EPS15: variants seen among roughly 807,000 people sequenced by gnomAD.
EPS15 encodes epidermal growth factor receptor substrate 15.
A neutral mutation model predicts 113.8 loss-of-function variants in EPS15; 72 were observed. The observed-to-expected ratio is 0.63, with a 90% CI of 0.52 to 0.77. EPS15 has a LOEUF of 0.77. Ranked by LOEUF, EPS15 falls within the 30% of genes least tolerant of loss-of-function variation. EPS15 has a pLI of 0.00. For missense variants in EPS15, 1,048 were observed against 1,045.8 expected (o/e 1.00, Z -0.03); for synonymous variants, 344 against 363.4 (o/e 0.95, Z 0.61).
At chr1:51,477,917 T>G (rs540083617) in intron 2 of EPS15, among the ~76,000 whole-genome samples, 11 of 152,092 alleles carry the variant, frequency 7.2e-5, no homozygotes, top group Non-Finnish European at 1.3e-4. Context: ...GTGCTGAAAA[T>G]AATGTATATT....
intron 2 of EPS15, among the ~76,000 whole-genome samples, chr1:51,475,976 A>C (rs1655649602): frequency 6.6e-6 from 1 of 152,184 alleles, no homozygotes; most frequent in Non-Finnish European, 1.5e-5. Context: ...GGTTTGTCAA[A>C]GATCAGATGA....
chr1:51,517,934 TA>T (rs1479591972), intron 1 of EPS15, among the ~76,000 whole-genome samples: 1 of 152,214 alleles, frequency 6.6e-6, no homozygotes, highest in African/African-American at 2.4e-5. Context: ...CTCTTGATTT[TA>T]AACACAGAAA....
intron 13 of EPS15, among the ~76,000 whole-genome samples, chr1:51,415,268 T>C (rs1051591214): frequency 2.0e-5 from 3 of 152,174 alleles, no homozygotes; most frequent in East Asian, 1.9e-4. Flanking sequence ...CTTTCTGCCC[T>C]TTCTCTCCCA....
chr1:51,362,518 T>C (rs1018356967), intron 23 of EPS15, among the ~76,000 whole-genome samples: 27 of 152,368 alleles, frequency 1.8e-4, no homozygotes, highest in African/African-American at 6.0e-4. Flanking sequence ...ATCATGCAAG[T>C]TGTAAAAACT....
chr1:51,484,851 G>GCC (rs1644091521), intron 1 of EPS15, among the ~76,000 whole-genome samples: 1 of 152,248 alleles, frequency 6.6e-6, no homozygotes, highest in Non-Finnish European at 1.5e-5. Flanking sequence ...AGCTGGCTAT[G>GCC]TCAGTGGGAA....
intron 13 of EPS15, among the ~76,000 whole-genome samples, chr1:51,417,138 T>C (rs893116060): frequency 6.6e-6 from 1 of 152,164 alleles, no homozygotes; most frequent in African/African-American, 2.4e-5. Context: ...TGAGCTCATG[T>C]ATCTAATTTT....
At chr1:51,510,974 T>C (rs1644608778) in intron 1 of EPS15, among the ~76,000 whole-genome samples, 1 of 151,936 alleles carries the variant, frequency 6.6e-6, no homozygotes, top group African/African-American at 2.4e-5. Flanking sequence ...GAGACCAGCC[T>C]GGCCAACATG....
intron 2 of EPS15, among the ~76,000 whole-genome samples, chr1:51,479,495 T>C (rs1395866030): frequency 6.6e-6 from 1 of 152,186 alleles, no homozygotes; most frequent in Admixed American, 6.5e-5. Context: ...CTTTGTTCCA[T>C]TGCTGGCGAG....
intron 18 of EPS15, among the ~76,000 whole-genome samples, chr1:51,401,777 C>A (rs573757142): frequency 2.6e-5 from 4 of 152,126 alleles, no homozygotes; most frequent in African/African-American, 9.7e-5. Flanking sequence ...CCGAGGCAGG[C>A]GGATCACCTT....
intron 7 of EPS15, 73 bp from the exon 8 acceptor site, chr1:51,461,223 A>T: frequency 8.9e-7 from 1 of 1,129,368 alleles, no homozygotes; most frequent in Non-Finnish European, 1.3e-6. Flanking sequence ...AAGAAAAGAA[A>T]GTTTATGAGC....
Position 51,364,022 on chromosome 1 carries a change from T to A in EPS15, c.2203A>T (p.Asn735Tyr). The A allele has an allele frequency of 6.2e-7, 1 of 1,609,004 alleles. No individual in the cohort carries two copies. The highest frequency in any genetic ancestry group is 8.5e-7 in the Non-Finnish European group (1 of 1,177,082). The change falls in exon 23 of 25, where the codon AAT (asparagine) becomes TAT (tyrosine). Residue 735 changes from asparagine (N) to tyrosine (Y), a missense_variant. By Grantham distance (143) the Asn-to-Tyr change is moderately radical. Transcript: ENST00000371733. ...GTGGCTGAACGAAAAGGATCTTCAT[T>A]GTTGACCTTTGTTTAAAAAGAAATG... ...ADFSTLSKVNNEDPFRSATSS... is the reference protein window; with the variant it reads ...ADFSTLSKVNYEDPFRSATSS...
At chr1:51,458,735 T>TAAA (rs770011870) in intron 8 of EPS15, 4 of 185,770 alleles carry the variant, frequency 2.2e-5, no homozygotes, top group East Asian at 1.8e-4. Context: ...AGACTCCGTC[T>TAAA]AAAAAAAAAA....
chr1:51,514,653 G>C (rs1056748269), intron 1 of EPS15, among the ~76,000 whole-genome samples: 1 of 152,066 alleles, frequency 6.6e-6, no homozygotes, highest in South Asian at 2.1e-4. Flanking sequence ...TCTATTACAC[G>C]TTAGTCTGTT....
At chr1:51,406,371 A>T (rs1432719369) in intron 15 of EPS15, among the ~76,000 whole-genome samples, 1 of 152,122 alleles carries the variant, frequency 6.6e-6, no homozygotes, top group African/African-American at 2.4e-5. Flanking sequence ...AGCTACTCAG[A>T]AGGCTGAGAT....
rs113841943 is a variant in EPS15, at chr1:51,374,465, G to A, written c.2120-8436C>T. 7.1e-3 allele frequency among the ~76,000 whole-genome samples: 1,079 copies of A among 152,130 alleles called. 7 individuals carry two copies. The highest frequency in any genetic ancestry group is 0.025 in the African/African-American group (1,029 of 41,498). ...CTAAAAATACAAAAATTAGCCGGGC[G>A]TGGTGGCGGATGCCTGTAATCTCAG... On this transcript the variant is annotated intron_variant, in intron 21 of 24. Transcript: ENST00000371733.
intron 12 of EPS15, chr1:51,423,394 T>C: frequency 5.5e-6 from 6 of 1,091,116 alleles, no homozygotes; most frequent in Non-Finnish European, 6.8e-6. Flanking sequence ...CGGGGAAAAA[T>C]TTCTGAAAAT....
intron 11 of EPS15, 29 bp downstream of exon 11, chr1:51,444,860 C>T (rs1449879651): frequency 1.3e-6 from 2 of 1,593,190 alleles, no homozygotes; most frequent in African/African-American, 1.3e-5. Context: ...GAAATTAATA[C>T]ATTCAGGTTT....
intron 23 of EPS15, among the ~76,000 whole-genome samples, chr1:51,362,489 AAAC>A (rs1246079175): frequency 3.9e-5 from 6 of 152,232 alleles, no homozygotes; most frequent in African/African-American, 9.6e-5. Context: ...AGATTTAAAA[AAAC>A]AACCTCACTA....
intron 13 of EPS15, among the ~76,000 whole-genome samples, chr1:51,413,397 A>C (rs1195220260): frequency 6.6e-6 from 1 of 152,208 alleles, no homozygotes; most frequent in African/African-American, 2.4e-5. Context: ...GATTATCCAA[A>C]ATCTTGTACA....
Sources: gnomAD v4.1 joint callset for allele counts (sites outside exome capture counted in the v4.1 genomes callset) on GRCh38, gnomAD v4.1.1 for gene constraint, MANE v1.5 for transcripts, NCBI Gene and HGNC (gene_info 2026-07-23, HGNC 2026-07-21) for gene names.